Variants in INTS7 observed in about 807,000 individuals in gnomAD.
INTS7 encodes chromosome 1 open reading frame 73.
INTS7 carries 46 observed loss-of-function variants against 109.2 expected under a neutral mutation model. The ratio of observed to expected loss-of-function variants is 0.42; its 90% CI spans 0.33 to 0.54. The LOEUF is 0.54. Ranked by LOEUF, INTS7 falls within the 20% of genes least tolerant of loss-of-function variation. INTS7 has a pLI of 0.07. For missense variants in INTS7, 929 were observed against 1,132.4 expected (o/e 0.82, Z 2.58); for synonymous variants, 412 against 402.9 (o/e 1.02, Z -0.27).
chr1:212,012,111 G>A (rs1666188336), intron 4 of INTS7, among the ~76,000 whole-genome samples: 1 of 152,124 alleles, frequency 6.6e-6, no homozygotes, highest in Non-Finnish European at 1.5e-5. Context: ...AGATGGAGTG[G>A]ACGTGCTTCA....
chr1:211,992,052 A>T (rs913569334), intron 7 of INTS7, among the ~76,000 whole-genome samples: 39 of 152,340 alleles, frequency 2.6e-4, no homozygotes, highest in African/African-American at 6.7e-4. Flanking sequence ...AATGCATTTT[A>T]AAAAAGTGAT....
chr1:212,002,925 T>C (rs999109606), intron 7 of INTS7, among the ~76,000 whole-genome samples: 3 of 152,096 alleles, frequency 2.0e-5, no homozygotes, highest in African/African-American at 4.8e-5. Context: ...AAAAAGGGTA[T>C]AGAAATAGAG....
intron 8 of INTS7, among the ~76,000 whole-genome samples, chr1:211,987,365 G>A (rs1664937935): frequency 1.3e-5 from 2 of 151,970 alleles, no homozygotes; most frequent in Non-Finnish European, 2.9e-5. Context: ...AAGTCTGTTA[G>A]GTAAGCAAGC....
chr1:212,029,270 C>T (rs1667054028), intron 1 of INTS7, among the ~76,000 whole-genome samples: 1 of 152,222 alleles, frequency 6.6e-6, no homozygotes, highest in African/African-American at 2.4e-5. Context: ...TTTCTAGGAA[C>T]ACCTAATACC....
At chr1:211,969,401 A>C (rs1213199719) in intron 13 of INTS7, among the ~76,000 whole-genome samples, 3 of 152,006 alleles carry the variant, frequency 2.0e-5, no homozygotes, top group Non-Finnish European at 4.4e-5. Flanking sequence ...CCATCACTGG[A>C]ACCTTGTAAA....
In INTS7 at chr1:212,011,387, C is replaced by T; in HGVS notation, c.544G>A (p.Glu182Lys). Residue 182 changes from glutamate (E) to lysine (K), a missense_variant, in exon 5 of 20, where the codon GAA (glutamate) becomes AAA (lysine). Physicochemically the swap from Glu to Lys is moderately conservative, Grantham distance 56 (BLOSUM62 1). Transcript: ENST00000366994. Reference protein sequence around the residue: ...FAVGICNKISEMIQGLATPVD... With the variant: ...FAVGICNKISKMIQGLATPVD... ...GAAGAATACATACCTTGAATCATTT[C>T]ACTGATTTTGTTACAGATTCCTACA... 1.3e-6 allele frequency: 2 copies of T among 1,571,932 alleles called. No individual in the cohort carries two copies. The highest frequency in any genetic ancestry group is 1.1e-5 in the South Asian group (1 of 88,234).
intron 13 of INTS7, among the ~76,000 whole-genome samples, chr1:211,971,343 T>C (rs1664157798): frequency 6.6e-6 from 1 of 152,176 alleles, no homozygotes; most frequent in Non-Finnish European, 1.5e-5. Flanking sequence ...TACAAGAATG[T>C]TCAGAGCAGT....
At chr1:212,030,580 C>T (rs992435030) in intron 1 of INTS7, among the ~76,000 whole-genome samples, 15 of 152,134 alleles carry the variant, frequency 9.9e-5, no homozygotes, top group African/African-American at 3.4e-4. Context: ...TGAGTCACTG[C>T]GCCCGGCCTA....
intron 13 of INTS7, among the ~76,000 whole-genome samples, chr1:211,969,551 CTTTTTTT>C (rs36104773): frequency 8.2e-5 from 7 of 85,018 alleles, no homozygotes; most frequent in Admixed American, 2.8e-4. Flanking sequence ...TTTTTCTTTT[CTTTTTTT>C]TTTTTTTTTT....
chr1:212,007,711 A>G (rs1048903451), intron 5 of INTS7, among the ~76,000 whole-genome samples: 1 of 152,214 alleles, frequency 6.6e-6, no homozygotes, highest in Non-Finnish European at 1.5e-5. Flanking sequence ...GTAGAAAGCA[A>G]AGTCATATTT....
rs1558016600 is a variant in INTS7, at chr1:211,940,666, C to CT, written c.*1157dup. The stretch of plus-strand genomic sequence containing the variant: ...AATAGGAAAAAAGGGGGTTTTCTGG[C>CT]TAACCAGAAAACTCTGTTCCCTGAG... On this transcript the variant is annotated 3_prime_UTR_variant, in exon 20 of 20. Transcript: ENST00000366994. 1 of 152,128 alleles carries CT rather than the reference C, an allele frequency of 6.6e-6. No homozygotes were observed. Among genetic ancestry groups the CT allele is most frequent in the Non-Finnish European group, 1.5e-5 (1 of 68,026 alleles). 9.4% of individuals were successfully genotyped at this position (152,128 alleles called of 1,614,324 possible).
chr1:211,974,995 C>G (rs1414744463), intron 13 of INTS7, among the ~76,000 whole-genome samples, 171 bp downstream of exon 13: 1 of 152,132 alleles, frequency 6.6e-6, no homozygotes, highest in East Asian at 1.9e-4. Flanking sequence ...AAGTGATAAA[C>G]TTTTATCAAT....
At chr1:211,988,542 T>A (rs1446553153) in intron 7 of INTS7, among the ~76,000 whole-genome samples, 1 of 151,942 alleles carries the variant, frequency 6.6e-6, no homozygotes, top group Non-Finnish European at 1.5e-5. Context: ...AGGGAAAAAC[T>A]AAAGAATTAT....
rs974280922 is a variant in INTS7, at chr1:211,959,529, G to A, written c.2184-6828C>T. 3.3e-5 allele frequency among the ~76,000 whole-genome samples: 5 copies of A among 152,138 alleles called. No homozygotes were observed. Among genetic ancestry groups the A allele is most frequent in the Non-Finnish European group, 5.9e-5 (4 of 68,014 alleles). On this transcript the variant is annotated intron_variant, in intron 16 of 19. Coordinates refer to ENST00000366994, the MANE Select transcript of INTS7 (RefSeq NM_015434.4). This position sits in a 1 kb window ranked among gnomAD's most constrained non-coding sequence, Gnocchi z 4.2. ...ACTGGCAGCTTTCCCTGGGCCCATG[G>A]CCACCCTCGACATTGCTTTGCCTGC...
intron 13 of INTS7, among the ~76,000 whole-genome samples, chr1:211,973,237 C>T (rs551814859): frequency 3.2e-4 from 48 of 152,312 alleles, no homozygotes; most frequent in Non-Finnish European, 6.6e-4. Context: ...TGAGCCCCCA[C>T]GCCTGGCCTA....
intron 16 of INTS7, among the ~76,000 whole-genome samples, chr1:211,955,801 C>T (rs1246645139): frequency 6.6e-6 from 1 of 152,196 alleles, no homozygotes; most frequent in Non-Finnish European, 1.5e-5. Flanking sequence ...AGATGACATA[C>T]ATTCACAGAG....
chr1:212,009,485 T>C (rs1275694779), intron 5 of INTS7, among the ~76,000 whole-genome samples: 3 of 152,182 alleles, frequency 2.0e-5, no homozygotes, highest in South Asian at 2.1e-4. Flanking sequence ...AGAGTATTTA[T>C]TCCCTGGTTC....
At chr1:211,947,049 T>C (rs1341762532) in intron 17 of INTS7, among the ~76,000 whole-genome samples, 1 of 152,202 alleles carries the variant, frequency 6.6e-6, no homozygotes, top group Non-Finnish European at 1.5e-5. Context: ...AGAGTAACTA[T>C]CACATGGCAA....
At chr1:212,021,544 A>C (rs1283680997) in intron 1 of INTS7, among the ~76,000 whole-genome samples, 1 of 151,996 alleles carries the variant, frequency 6.6e-6, no homozygotes, top group Admixed American at 6.6e-5. Context: ...ATTAGAAATA[A>C]GAAAAAAAAA....
Sources: allele counts gnomAD v4.1 joint callset (sites outside exome capture counted in the v4.1 genomes callset), GRCh38; gene constraint gnomAD v4.1.1; non-coding constraint Gnocchi (gnomAD v3.1); transcripts MANE v1.5; gene names NCBI Gene and HGNC (gene_info 2026-07-23, HGNC 2026-07-21).